Variants in CELF4 observed in about 807,000 individuals in gnomAD.
CELF4 encodes CUGBP Elav-like family member 4.
In CELF4, 18 loss-of-function variants were observed where a neutral mutation model predicts 59.9. The observed-to-expected ratio is 0.30, with a 90% CI of 0.21 to 0.45. The LOEUF is 0.45. Ranked by LOEUF, CELF4 falls within the 20% of genes least tolerant of loss-of-function variation. CELF4 has a pLI of 1.00. For missense variants in CELF4, 456 were observed against 689.0 expected (o/e 0.66, Z 3.79); for synonymous variants, 261 against 267.1 (o/e 0.98, Z 0.22).
chr18:37,397,150 T>G (rs750457336), intron 2 of CELF4, among the ~76,000 whole-genome samples: 1 of 152,186 alleles, frequency 6.6e-6, no homozygotes, highest in Non-Finnish European at 1.5e-5. Flanking sequence ...TTATAAGGAC[T>G]GCTGCTGTCC....
At chr18:37,285,610 T>C (rs1355536660) in intron 3 of CELF4, among the ~76,000 whole-genome samples, 2 of 152,180 alleles carry the variant, frequency 1.3e-5, no homozygotes, top group African/African-American at 4.8e-5. Context: ...GGACCCTGAA[T>C]CAGGAGAAGC....
rs2067350302 is a variant in CELF4, at chr18:37,254,032, G to T, written c.1334-94C>A. Reference sequence around the variant, plus strand: ...GGTCGGGGGACAGGGGGGCGGGGCGGGCCTGAGGCTCTCCCCCTCGGGCCC... The same window carrying T: ...GGTCGGGGGACAGGGGGGCGGGGCGTGCCTGAGGCTCTCCCCCTCGGGCCC... On this transcript the variant is annotated intron_variant, in intron 11 of 12. Coordinates refer to ENST00000420428, the MANE Select transcript of CELF4 (RefSeq NM_020180.4). This position sits in a 1 kb window ranked among gnomAD's most constrained non-coding sequence, Gnocchi z 5.1. 2 of 895,798 alleles carry T rather than the reference G, an allele frequency of 2.2e-6. No homozygotes were observed. The highest frequency in any genetic ancestry group is 1.8e-5 in the African/African-American group (1 of 55,866). 55.5% of individuals were successfully genotyped at this position (895,798 alleles called of 1,614,324 possible).
intron 3 of CELF4, among the ~76,000 whole-genome samples, chr18:37,277,660 CT>C (rs1182277742): frequency 2.0e-5 from 3 of 152,156 alleles, no homozygotes; most frequent in African/African-American, 7.2e-5. Context: ...TGTTTGACTC[CT>C]GGAAGCAGCA....
chr18:37,286,259 T>A (rs963104681), intron 3 of CELF4, among the ~76,000 whole-genome samples: 2 of 152,208 alleles, frequency 1.3e-5, no homozygotes, highest in African/African-American at 4.8e-5. Context: ...AAAGACTCAC[T>A]TAGAGCTGTT....
At chr18:37,538,548 G>A (rs2154605353) in intron 1 of CELF4, among the ~76,000 whole-genome samples, 1 of 152,288 alleles carries the variant, frequency 6.6e-6, no homozygotes, top group Admixed American at 6.5e-5. Context: ...CCCAGAGCAG[G>A]CACTCACTCA....
intron 2 of CELF4, among the ~76,000 whole-genome samples, chr18:37,481,971 G>A (rs2099868582): frequency 6.6e-6 from 1 of 152,248 alleles, no homozygotes; most frequent in South Asian, 2.1e-4. Context: ...GATAAAATGA[G>A]GCAATGTAGG....
At chr18:37,327,052 G>T (rs990697981) in intron 2 of CELF4, among the ~76,000 whole-genome samples, 12 of 152,156 alleles carry the variant, frequency 7.9e-5, no homozygotes, top group Non-Finnish European at 1.5e-4. Flanking sequence ...TGATTGAGCT[G>T]GTCGAAAGGC....
intron 1 of CELF4, among the ~76,000 whole-genome samples, chr18:37,549,783 TA>T (rs2099982569): frequency 1.3e-5 from 2 of 152,172 alleles, no homozygotes; most frequent in African/African-American, 4.8e-5. Context: ...GGTTCAACTT[TA>T]AATGACCAAA....
At chr18:37,338,971 C>A (rs1392837923) in intron 2 of CELF4, among the ~76,000 whole-genome samples, 1 of 152,182 alleles carries the variant, frequency 6.6e-6, no homozygotes, top group African/African-American at 2.4e-5. Context: ...AGAGGATGGG[C>A]AATGGCCATC....
At chr18:37,278,506 TC>T (rs1306374452) in intron 3 of CELF4, among the ~76,000 whole-genome samples, 2 of 152,158 alleles carry the variant, frequency 1.3e-5, no homozygotes, top group Non-Finnish European at 2.9e-5. Flanking sequence ...GCCCACTGAC[TC>T]CCCCTCCCGC....
At chr18:37,418,604 C>T (rs2099548048) in intron 2 of CELF4, among the ~76,000 whole-genome samples, 1 of 152,256 alleles carries the variant, frequency 6.6e-6, no homozygotes, top group Non-Finnish European at 1.5e-5. Context: ...GGCTGTGTTC[C>T]TCCCACAGTG....
chr18:37,464,006 C>T (rs1470202832), intron 2 of CELF4, among the ~76,000 whole-genome samples: 1 of 152,146 alleles, frequency 6.6e-6, no homozygotes, highest in Admixed American at 6.5e-5. Context: ...ACTCCCAGGC[C>T]CCTCCTCCTG....
chr18:37,350,153 A>G (rs759394507), intron 2 of CELF4, among the ~76,000 whole-genome samples: 1 of 152,128 alleles, frequency 6.6e-6, no homozygotes, highest in South Asian at 2.1e-4. Flanking sequence ...GCCTTCAGCA[A>G]CCAGGGACAG....
chr18:37,324,668 A>G (rs1350754604), intron 2 of CELF4, among the ~76,000 whole-genome samples: 2 of 152,192 alleles, frequency 1.3e-5, no homozygotes, highest in African/African-American at 4.8e-5. Flanking sequence ...TTCCATTAAA[A>G]AGGTACACTC....
At chr18:37,501,936 G>T (rs1033804337) in intron 1 of CELF4, among the ~76,000 whole-genome samples, 1 of 152,098 alleles carries the variant, frequency 6.6e-6, no homozygotes, top group African/African-American at 2.4e-5. Context: ...TCTCTTCTGG[G>T]GAAGCTGGGG....
intron 2 of CELF4, among the ~76,000 whole-genome samples, chr18:37,469,967 T>C (rs192017835): frequency 6.6e-6 from 1 of 152,136 alleles, no homozygotes; most frequent in African/African-American, 2.4e-5. Context: ...CCCCAGTGAA[T>C]CCCTGGGGGA....
intron 3 of CELF4, among the ~76,000 whole-genome samples, chr18:37,282,393 TCC>T (rs2094255824): frequency 1.3e-5 from 2 of 152,112 alleles, no homozygotes; most frequent in African/African-American, 4.8e-5. Context: ...GTACTGAGCA[TCC>T]CTACATGGCA....
At chr18:37,336,151 A>C (rs892071050) in intron 2 of CELF4, among the ~76,000 whole-genome samples, 4 of 152,174 alleles carry the variant, frequency 2.6e-5, no homozygotes, top group African/African-American at 9.7e-5. Flanking sequence ...AGCCAGCCCC[A>C]GGAGCCTCGC....
At chr18:37,266,501 G>A in intron 9 of CELF4, 32 bp downstream of exon 9, 1 of 1,569,070 alleles carries the variant, frequency 6.4e-7, no homozygotes, top group South Asian at 1.2e-5. Context: ...ACGGAGTTGG[G>A]GAAGGAGCCG....
Sources: gnomAD v4.1 joint callset for allele counts (sites outside exome capture counted in the v4.1 genomes callset) on GRCh38, gnomAD v4.1.1 for gene constraint, Gnocchi (gnomAD v3.1) non-coding constraint, MANE v1.5 for transcripts, NCBI Gene and HGNC (gene_info 2026-07-23, HGNC 2026-07-21) for gene names.